ASAP1: variants seen among roughly 807,000 people sequenced by gnomAD.
ASAP1 encodes arf-GAP with SH3 domain, ANK repeat and PH domain-containing protein 1.
In ASAP1, 43 loss-of-function variants were observed where a neutral mutation model predicts 145.2. The observed-to-expected ratio is 0.30, with a 90% CI of 0.23 to 0.38. The LOEUF is 0.38. ASAP1 is among the 10% of genes least tolerant of loss of function. ASAP1 has a pLI of 1.00. For missense variants in ASAP1, 1,018 were observed against 1,355.3 expected, an observed-to-expected ratio of 0.75 and a Z score of 3.91; for synonymous variants, 546 against 515.5, an observed-to-expected ratio of 1.06 and a Z score of -0.80.
At chr8:130,402,452 A>T (rs2138578941) in intron 1 of ASAP1, among the ~76,000 whole-genome samples, 1 of 152,282 alleles carries the variant, frequency 6.6e-6, no homozygotes, top group East Asian at 1.9e-4. Flanking sequence ...CTGGGAGAGG[A>T]TTTTAATTAA....
chr8:130,189,728 C>T (rs1815005350), intron 5 of ASAP1, among the ~76,000 whole-genome samples: 1 of 152,190 alleles, frequency 6.6e-6, no homozygotes. Flanking sequence ...TGAGGAGCCT[C>T]TATACCATTC....
chr8:130,357,489 T>C (rs1015747218), intron 3 of ASAP1, among the ~76,000 whole-genome samples: 6 of 152,030 alleles, frequency 3.9e-5, no homozygotes, highest in Non-Finnish European at 7.4e-5. Flanking sequence ...ACTCCTGGAG[T>C]GGATACAGTC....
intron 3 of ASAP1, among the ~76,000 whole-genome samples, chr8:130,271,338 A>C (rs1820574183): frequency 6.6e-6 from 1 of 152,178 alleles, no homozygotes; most frequent in African/African-American, 2.4e-5. Flanking sequence ...TCAAGTACAA[A>C]TTATTCTGAT....
intron 2 of ASAP1, among the ~76,000 whole-genome samples, chr8:130,380,677 T>C (rs1827725170): frequency 6.6e-6 from 1 of 151,544 alleles, no homozygotes; most frequent in Non-Finnish European, 1.5e-5. Flanking sequence ...ATGCATGGAG[T>C]TTCAAATTGT....
intron 28 of ASAP1, among the ~76,000 whole-genome samples, chr8:130,059,346 T>C (rs1386818127): frequency 6.6e-6 from 1 of 152,082 alleles, no homozygotes; most frequent in East Asian, 1.9e-4. Context: ...TTTTATTTTT[T>C]ATAGAGACGG....
At chr8:130,282,488 C>T (rs939918025) in intron 3 of ASAP1, among the ~76,000 whole-genome samples, 30 of 152,134 alleles carry the variant, frequency 2.0e-4, no homozygotes, top group African/African-American at 6.5e-4. Flanking sequence ...AATTGCAATA[C>T]GACTGTTACC....
chr8:130,217,560 A>ACACAC (rs1565100713), intron 4 of ASAP1, among the ~76,000 whole-genome samples: 2 of 151,716 alleles, frequency 1.3e-5, no homozygotes, highest in African/African-American at 4.8e-5. Context: ...ACACACACAC[A>ACACAC]GATCTTTTCC....
At chr8:130,399,626 A>G (rs1305747090) in intron 2 of ASAP1, among the ~76,000 whole-genome samples, 1 of 152,092 alleles carries the variant, frequency 6.6e-6, no homozygotes. Flanking sequence ...TTCAGGACAC[A>G]TTTGCTTATC....
intron 5 of ASAP1, among the ~76,000 whole-genome samples, chr8:130,191,781 G>A (rs549745419): frequency 3.8e-4 from 58 of 152,168 alleles, no homozygotes; most frequent in Non-Finnish European, 7.1e-4. Flanking sequence ...CCTAGGAAGT[G>A]TTGAATACAT....
At chr8:130,138,001 C>A (rs2097599340) in intron 13 of ASAP1, among the ~76,000 whole-genome samples, 1 of 152,146 alleles carries the variant, frequency 6.6e-6, no homozygotes, top group South Asian at 2.1e-4. Flanking sequence ...TTTAATTGGA[C>A]CTATATCCCT....
intron 2 of ASAP1, among the ~76,000 whole-genome samples, chr8:130,375,242 G>A (rs1329658342): frequency 6.6e-6 from 1 of 152,156 alleles, no homozygotes; most frequent in Non-Finnish European, 1.5e-5. Flanking sequence ...TCCCCCAGGC[G>A]TTAGGAGGAT....
chr8:130,433,492 A>T (rs1225500833), intron 1 of ASAP1, among the ~76,000 whole-genome samples: 1 of 152,332 alleles, frequency 6.6e-6, no homozygotes, highest in Admixed American at 6.5e-5. Flanking sequence ...GTTCCTTGGT[A>T]ACTCTCCCAT....
At chr8:130,287,036 G>A (rs895682304) in intron 3 of ASAP1, among the ~76,000 whole-genome samples, 1 of 152,334 alleles carries the variant, frequency 6.6e-6, no homozygotes, top group Admixed American at 6.5e-5. Flanking sequence ...AGACCTTGAA[G>A]AGTACTGCTC....
intron 5 of ASAP1, among the ~76,000 whole-genome samples, chr8:130,202,515 CTAAAG>C (rs1445322718): frequency 2.0e-5 from 3 of 152,194 alleles, no homozygotes; most frequent in Non-Finnish European, 4.4e-5. Context: ...TTTCTTACTA[CTAAAG>C]TATAGACTTT....
chr8:130,270,590 T>C (rs1342863707), intron 3 of ASAP1, among the ~76,000 whole-genome samples: 1 of 152,228 alleles, frequency 6.6e-6, no homozygotes, highest in African/African-American at 2.4e-5. Context: ...AAAACATGCA[T>C]AAGAACACAA....
chr8:130,114,409 T>C (rs1412916982), intron 23 of ASAP1, among the ~76,000 whole-genome samples: 3 of 152,212 alleles, frequency 2.0e-5, no homozygotes, highest in Non-Finnish European at 4.4e-5. Context: ...ACATGTTATA[T>C]AAGATTAAAA....
chr8:130,285,323 GA>G (rs200388609), intron 3 of ASAP1, among the ~76,000 whole-genome samples: 2 of 149,096 alleles, frequency 1.3e-5, no homozygotes, highest in African/African-American at 2.5e-5. Context: ...AAGTTGGAAA[GA>G]AAAAAAAACA....
At chr8:130,061,371 A>C (rs1195648765) in intron 27 of ASAP1, among the ~76,000 whole-genome samples, 1 of 152,238 alleles carries the variant, frequency 6.6e-6, no homozygotes, top group African/African-American at 2.4e-5. Flanking sequence ...AGAGTTCTTA[A>C]GCCTAACACC....
intron 18 of ASAP1, among the ~76,000 whole-genome samples, chr8:130,120,887 T>C (rs1012302927): frequency 2.6e-5 from 4 of 152,182 alleles, no homozygotes; most frequent in Non-Finnish European, 5.9e-5. Context: ...GAGTGGAAAA[T>C]AGATTTGTCT....
Sources: allele counts gnomAD v4.1 joint callset (sites outside exome capture counted in the v4.1 genomes callset), GRCh38; gene constraint gnomAD v4.1.1; transcripts MANE v1.5; gene names NCBI Gene and HGNC (gene_info 2026-07-23, HGNC 2026-07-21).